DCX: variants seen among roughly 807,000 people sequenced by gnomAD.
DCX encodes the protein neuronal migration protein doublecortin.
In DCX, 4 loss-of-function variants were observed where a neutral mutation model predicts 20.9. That is an observed-to-expected ratio of 0.19 (90% CI 0.09 to 0.44). The LOEUF (loss-of-function observed/expected upper bound fraction) is 0.44, where lower values mean the gene tolerates loss of function less well. Ranked by LOEUF, DCX falls within the 20% of genes least tolerant of loss-of-function variation. The pLI is 0.99. For missense variants in DCX, 133 were observed against 296.9 expected, an observed-to-expected ratio of 0.45 and a Z score of 4.06; for synonymous variants, 103 against 111.4, an observed-to-expected ratio of 0.92 and a Z score of 0.47.
chrX:111,309,163 A>G (rs2095052144), intron 6 of DCX, among the ~76,000 whole-genome samples: 1 of 112,418 alleles, frequency 8.9e-6, no homozygotes, highest in Non-Finnish European at 1.9e-5. Flanking sequence ...GGCTAACCCC[A>G]TTGCAGCTGC....
chrX:111,324,284 A>T (rs753549381), intron 5 of DCX, among the ~76,000 whole-genome samples: 25 of 111,175 alleles, frequency 2.2e-4, no homozygotes, highest in Non-Finnish European at 2.6e-4. Flanking sequence ...TCTCCTTATC[A>T]ATTTACATAT....
rs2095031448 is a variant in DCX, at chrX:111,300,553, T to C, written c.*1134A>G. ...GAATTGGCCTCTGCTATTCATCTTG[T>C]TTTCTCCTGGAGGTTACTGTTTGGC... On this transcript the variant is annotated 3_prime_UTR_variant, in exon 7 of 7. Coordinates refer to ENST00000636035, the MANE Select transcript of DCX (RefSeq NM_001195553.2). 2.7e-5 allele frequency: 3 copies of C among 111,904 alleles called. No homozygotes were observed. Among genetic ancestry groups the C allele is most frequent in the African/African-American group, 9.8e-5 (3 of 30,741 alleles). The allele number at this position is 111,904 out of a possible 1,213,427, so 9.2% of individuals were successfully genotyped here.
At chrX:111,379,926 C>T (rs1374839221) in intron 3 of DCX, among the ~76,000 whole-genome samples, 2 of 111,149 alleles carry the variant, frequency 1.8e-5, no homozygotes, top group Non-Finnish European at 3.8e-5. Context: ...ATTGTAGTCT[C>T]GATTTGCATT....
At chrX:111,348,088 G>T (rs1366036282) in intron 3 of DCX, among the ~76,000 whole-genome samples, 5 of 111,964 alleles carry the variant, frequency 4.5e-5, no homozygotes, top group African/African-American at 1.6e-4. Flanking sequence ...AAATGTCAAG[G>T]TCCATGAAGG....
chrX:111,358,923 A>G (rs966789042), intron 3 of DCX, among the ~76,000 whole-genome samples: 10 of 112,352 alleles, frequency 8.9e-5, no homozygotes, highest in African/African-American at 2.9e-4. Flanking sequence ...TGAAAATTAT[A>G]TAATCTTTAC....
Position 111,331,878 on chromosome X carries a change from C to T in DCX, c.809-837G>A, listed in dbSNP as rs924290093. On this transcript the variant is annotated intron_variant, in intron 4 of 6. Transcript: ENST00000636035. ...AAAACTTAACCCCTTTGCCTAGGGC[C>T]ACAAAACAAGAAATTAGTAAAACAA... Among the ~76,000 whole-genome samples the T allele has an allele frequency of 2.7e-5, 3 of 112,245 alleles. No individual in the cohort carries two copies. In the Admixed American group the frequency reaches 2.8e-4, roughly 11 times the overall value.
intron 3 of DCX, among the ~76,000 whole-genome samples, chrX:111,380,811 T>C (rs866961780): frequency 3.8e-4 from 42 of 111,582 alleles, no homozygotes; most frequent in African/African-American, 1.3e-3. Flanking sequence ...AGCCTGGTTC[T>C]CTCATTTATT....
In DCX at chrX:111,294,766, A is replaced by G. The variant is rs1199078233; in HGVS notation, c.*6921T>C. 2.7e-5 allele frequency: 3 copies of G among 111,889 alleles called. No homozygotes were observed. Among genetic ancestry groups the G allele is most frequent in the Admixed American group, 9.5e-5 (1 of 10,473 alleles). The allele number at this position is 111,889 out of a possible 1,213,427, so 9.2% of individuals were successfully genotyped here. A position where few individuals can be genotyped will look rare whatever the true frequency, so the allele number is the denominator to read the frequency against. ...TTTCAGAGGTTAAAACGAGTTAAGAAATGTGATGTACAATACCATGCATTT... is the reference window on the plus strand; with the variant it reads ...TTTCAGAGGTTAAAACGAGTTAAGAGATGTGATGTACAATACCATGCATTT... On this transcript the variant is annotated 3_prime_UTR_variant, in exon 7 of 7. Transcript: ENST00000636035.
At chrX:111,390,031 G>A (rs1045426371) in intron 3 of DCX, among the ~76,000 whole-genome samples, 1 of 111,755 alleles carries the variant, frequency 8.9e-6, no homozygotes, top group Non-Finnish European at 1.9e-5. Context: ...TATCCAGTTG[G>A]GACCAATTTA....
chrX:111,376,268 A>G (rs1355145316), intron 3 of DCX, among the ~76,000 whole-genome samples: 2 of 112,116 alleles, frequency 1.8e-5, no homozygotes, highest in East Asian at 5.7e-4. Flanking sequence ...TAGTGGTAAG[A>G]TGAAGCATGC....
chrX:111,373,963 T>G (rs964356452), intron 3 of DCX, among the ~76,000 whole-genome samples: 6 of 112,217 alleles, frequency 5.3e-5, no homozygotes, highest in African/African-American at 1.9e-4. Context: ...TAAAGAGATT[T>G]GGAATTAAAT....
At chrX:111,359,833 C>A (rs756942832) in intron 3 of DCX, among the ~76,000 whole-genome samples, 2 of 111,789 alleles carry the variant, frequency 1.8e-5, no homozygotes, top group Non-Finnish European at 3.8e-5. Flanking sequence ...CAGACTAGTA[C>A]AAATTTGCAG....
chrX:111,315,226 T>A, intron 5 of DCX, among the ~76,000 whole-genome samples: 1 of 102,914 alleles, frequency 9.7e-6, no homozygotes, highest in Non-Finnish European at 2.0e-5. Flanking sequence ...TCAAACAAAT[T>A]TACAAGAAAA....
chrX:111,322,841 A>G (rs996232772), intron 5 of DCX, among the ~76,000 whole-genome samples: 5 of 112,554 alleles, frequency 4.4e-5, no homozygotes, highest in Non-Finnish European at 9.4e-5. Context: ...TAACTTCAGA[A>G]GATGGAATTT....
chrX:111,411,016 C>G (rs1302003053), intron 1 of DCX: 1 of 1,096,045 alleles, frequency 9.1e-7, no homozygotes, highest in South Asian at 1.8e-5. Flanking sequence ...TGTGCATCCC[C>G]TCCCCCCAGA....
chrX:111,338,961 C>A (rs183636890), intron 3 of DCX, among the ~76,000 whole-genome samples: 16 of 111,375 alleles, frequency 1.4e-4, no homozygotes, highest in African/African-American at 5.2e-4. Context: ...TCCAATGGTC[C>A]TTCCCTGGCC....
At chrX:111,308,030 T>G (rs1291170183) in intron 6 of DCX, among the ~76,000 whole-genome samples, 1 of 112,150 alleles carries the variant, frequency 8.9e-6, no homozygotes, top group Non-Finnish European at 1.9e-5. Context: ...ACACTGTATC[T>G]CCATCAATTT....
Position 111,295,933 on chromosome X carries a change from G to A in DCX, c.*5754C>T, listed in dbSNP as rs766391133. The A allele has an allele frequency of 1.4e-4, 16 of 111,897 alleles. No individual in the cohort carries two copies. Among genetic ancestry groups the A allele is most frequent in the African/African-American group, 5.2e-4 (16 of 30,799 alleles). 9.2% of individuals were successfully genotyped at this position (111,897 alleles called of 1,213,427 possible). A position where few individuals can be genotyped will look rare whatever the true frequency, so the allele number is the denominator to read the frequency against. The stretch of plus-strand genomic sequence containing the variant: ...CATACTTCTGATTGGACTGGGGTAG[G>A]ACCAGGGCTGATTGAATCTGGAAAT... On this transcript the variant is annotated 3_prime_UTR_variant, in exon 7 of 7. Coordinates refer to ENST00000636035, the MANE Select transcript of DCX (RefSeq NM_001195553.2).
chrX:111,303,363 G>A (rs920836046), intron 6 of DCX, among the ~76,000 whole-genome samples: 8 of 109,500 alleles, frequency 7.3e-5, no homozygotes, highest in African/African-American at 2.7e-4. Context: ...CACTGCTTTT[G>A]TATCATAAGG....
Sources: gnomAD v4.1 joint callset for allele counts (sites outside exome capture counted in the v4.1 genomes callset) on GRCh38, gnomAD v4.1.1 for gene constraint, MANE v1.5 for transcripts, NCBI Gene and HGNC (gene_info 2026-07-23, HGNC 2026-07-21) for gene names.